The following DNMT3A variants were observed in gnomAD, a reference collection of about 807,000 sequenced individuals.
DNMT3A encodes DNA methyltransferase 3 alpha.
A neutral mutation model predicts 117.6 loss-of-function variants in DNMT3A; 267 were observed. The ratio of observed to expected loss-of-function variants is 2.27; its 90% CI spans 2.05 to 2.51. DNMT3A has a LOEUF of 2.51. DNMT3A is among the 30% of genes most tolerant of loss of function. The pLI is 0.00. For synonymous variants in DNMT3A, 432 were observed against 474.8 expected (o/e 0.91, Z 1.17); for missense variants, 1,029 against 1,260.2 (o/e 0.82, Z 2.78).
chr2:25,234,286 C>T lies in DNMT3A; in HGVS notation c.2732G>A (p.Cys911Tyr), dbSNP rs906113912. 3 of 1,613,108 alleles carry T rather than the reference C, an allele frequency of 1.9e-6. No individual in the cohort carries two copies. Among genetic ancestry groups the T allele is most frequent in the Non-Finnish European group, 2.5e-6 (3 of 1,179,430 alleles). Residue 911 changes from cysteine to tyrosine, a missense_variant, in exon 23 of 23, where the codon TGT becomes TAT. Physicochemically the swap from Cys to Tyr is radical, Grantham distance 194 (BLOSUM62 -2). Transcript: ENST00000321117. This position sits in a 1 kb window ranked among gnomAD's most constrained non-coding sequence, Gnocchi z 4.5. Reference sequence around the variant, plus strand: ...AGTTTGCCCCCATGTCCCTTACACACACGCAAAATACTCCTTCAGCGGAGC... The same window carrying T: ...AGTTTGCCCCCATGTCCCTTACACATACGCAAAATACTCCTTCAGCGGAGC... ...LFAPLKEYFACV is the reference protein window; with the variant it reads ...LFAPLKEYFAYV
chr2:25,240,533 A>G, intron 18 of DNMT3A, 83 bp from the exon 19 acceptor site: 1 of 1,584,148 alleles, frequency 6.3e-7, no homozygotes, highest in Non-Finnish European at 8.6e-7. Flanking sequence ...AGGGCACGGG[A>G]AGACAGGGTC....
At chr2:25,308,997 A>ACACACG (rs1553430162) in intron 2 of DNMT3A, among the ~76,000 whole-genome samples, 4 of 151,850 alleles carry the variant, frequency 2.6e-5, no homozygotes, top group African/African-American at 7.3e-5. Context: ...ACACACACAC[A>ACACACG]CACGCACGCA....
chr2:25,266,703 G>T (rs1222305405), intron 6 of DNMT3A, among the ~76,000 whole-genome samples: 1 of 152,212 alleles, frequency 6.6e-6, no homozygotes, highest in Non-Finnish European at 1.5e-5. Context: ...CATAGGAAAA[G>T]ATGTTCAACC....
At chr2:25,245,985 C>T (rs975649664) in intron 12 of DNMT3A, 35 bp downstream of exon 12, 1 of 1,613,684 alleles carries the variant, frequency 6.2e-7, no homozygotes, top group Non-Finnish European at 8.5e-7. Flanking sequence ...CCATGCCACA[C>T]TAGGAGTGCC....
At position 25,300,633 on chromosome 2, in the gene DNMT3A, A is replaced by T. The variant is rs1181610257; in HGVS notation, c.73-390T>A. On this transcript the variant is annotated intron_variant, in intron 2 of 22. Transcript: ENST00000321117. ...AATAATATATTATTTAGATATCTAA[A>T]TAATATATTATTTAGATATCTAAAT... is the stretch of plus-strand genomic sequence containing the variant. Among the ~76,000 whole-genome samples the T allele has an allele frequency of 3.6e-4, 32 of 89,274 alleles. 1 individual carries two copies. The South Asian group carries it at 9.8e-3, about 27-fold the overall frequency. 58.6% of individuals were successfully genotyped at this position (89,274 alleles called of 152,430 possible).
chr2:25,330,540 G>A (rs768975170), intron 1 of DNMT3A, among the ~76,000 whole-genome samples: 3 of 152,204 alleles, frequency 2.0e-5, no homozygotes, highest in Admixed American at 6.5e-5. Context: ...CATCATGTAC[G>A]GCCCTCACAG....
rs552541645 is a variant in DNMT3A at position 25,289,380 on chromosome 2, G to A, written c.178-6669C>T. 5.3e-4 allele frequency among the ~76,000 whole-genome samples: 80 copies of A among 152,318 alleles called. 1 individual carries two copies. The highest frequency in any genetic ancestry group is 1.7e-3 in the African/African-American group (70 of 41,572). ...CTCCCAAAGTGCTGGGATTACAGGC[G>A]TGAGCCACCGCACCCGGCCAATCTT... On this transcript the variant is annotated intron_variant, in intron 3 of 22. Transcript: ENST00000321117.
intron 2 of DNMT3A, among the ~76,000 whole-genome samples, chr2:25,300,577 A>G (rs1337410352): frequency 2.1e-5 from 3 of 142,588 alleles, no homozygotes; most frequent in Middle Eastern, 3.4e-3. Context: ...CTCCATCTCT[A>G]TAAAAATACC....
At position 25,234,477 on chromosome 2, in the gene DNMT3A, GAAGCC is replaced by G. The variant is rs1673129919; in HGVS notation, c.2598-62_2598-58del. 9.6e-6 allele frequency: 15 copies of G among 1,562,242 alleles called. No individual in the cohort carries two copies. In the Admixed American group the frequency reaches 1.4e-4, roughly 15 times the overall value. On this transcript the variant is annotated intron_variant, in intron 22 of 22. Coordinates refer to ENST00000321117, the MANE Select transcript of DNMT3A (RefSeq NM_022552.5). The surrounding 1 kb of genome is among the most constrained non-coding windows in gnomAD (Gnocchi z 4.5). ...AGTGCTGGCCAGACCAGGCTGCCCGGAAGCCGTCTAACCACACAGCAGGACCCGGA... is the reference window on the plus strand; with the variant it reads ...AGTGCTGGCCAGACCAGGCTGCCCGGGTCTAACCACACAGCAGGACCCGGA...
chr2:25,240,424 A>T lies in DNMT3A; in HGVS notation c.2200T>A (p.Phe734Ile). The T allele has an allele frequency of 1.2e-6, 2 of 1,612,214 alleles. No homozygotes were observed. The highest frequency in any genetic ancestry group is 8.5e-7 in the Non-Finnish European group (1 of 1,179,134). The change falls in exon 19 of 23, where the codon TTC becomes ATC. Residue 734 changes from phenylalanine (F) to isoleucine (I), a missense_variant. Physicochemically the swap from Phe to Ile is conservative, Grantham distance 21. Coordinates refer to ENST00000321117, the MANE Select transcript of DNMT3A (RefSeq NM_022552.5). ...CGCGCATCATGCAGGAGGCGGTAGA[A>T]CTCAAAGAAGAGCCGGCCAGTGCCC... ...YEGTGRLFFE[F>I]YRLLHDARPK...
In DNMT3A at chr2:25,296,502, G is replaced by A. The variant is rs1269914339; in HGVS notation, c.177+3637C>T. ...CTTGTCCCCTAAAAAATGGAGTCCC[G>A]GGGGGTTCCTGAAGAAGGACGTGCC... On this transcript the variant is annotated intron_variant, in intron 3 of 22. Transcript: ENST00000321117. This position sits in a 1 kb window ranked among gnomAD's most constrained non-coding sequence, Gnocchi z 4.2. Among the ~76,000 whole-genome samples the A allele has an allele frequency of 5.9e-5, 9 of 152,178 alleles. No individual in the cohort carries two copies. The South Asian group carries it at 1.5e-3, about 25-fold the overall frequency.
At position 25,236,191 on chromosome 2, in the gene DNMT3A, G is replaced by C. The variant is rs1254457787; in HGVS notation, c.2479-366C>G. Among the ~76,000 whole-genome samples the C allele has an allele frequency of 3.3e-5, 5 of 151,822 alleles. No homozygotes were observed. Among genetic ancestry groups the C allele is most frequent in the Admixed American group, 2.6e-4 (4 of 15,246 alleles). ...AGCGATTCTAATGCCTCAGACTCCT[G>C]AGTAGCTGGGACTACAGGCGCCCGC... is the stretch of plus-strand genomic sequence containing the variant. On this transcript the variant is annotated intron_variant, in intron 21 of 22. Transcript: ENST00000321117. This position sits in a 1 kb window ranked among gnomAD's most constrained non-coding sequence, Gnocchi z 4.5.
chr2:25,240,695 C>T lies in DNMT3A; in HGVS notation c.2118G>A (p.Gly706=), dbSNP rs1673915478. ...QEWGPFDLVI[G]GSPCNDLSIV... is the part of the protein sequence containing the mutation. ...TGGAGAGGTCATTGCAGGGACTGCC[C>T]CCAATCACCAGATCGAATGGGCCCC... The change falls in exon 18 of 23, where the codon GGG becomes GGA. Residue 706 remains glycine, a synonymous_variant. Transcript: ENST00000321117. 6.2e-7 allele frequency: 1 copy of T among 1,614,156 alleles called. No homozygotes were observed. The highest frequency in any genetic ancestry group is 1.3e-5 in the African/African-American group (1 of 75,040).
chr2:25,240,533 A>C, intron 18 of DNMT3A, 83 bp from the exon 19 acceptor site: 1 of 1,584,148 alleles, frequency 6.3e-7, no homozygotes, highest in Non-Finnish European at 8.6e-7. Flanking sequence ...AGGGCACGGG[A>C]AGACAGGGTC....
At chr2:25,251,029 G>T (rs1164653467) in intron 6 of DNMT3A, among the ~76,000 whole-genome samples, 38 of 152,162 alleles carry the variant, frequency 2.5e-4, no homozygotes, top group Non-Finnish European at 1.0e-4. Flanking sequence ...CAGATGCCGC[G>T]CTGCGAGCTG....
intron 12 of DNMT3A, 126 bp downstream of exon 12, chr2:25,245,894 G>A (rs539356272): frequency 2.4e-5 from 29 of 1,198,218 alleles, no homozygotes; most frequent in African/African-American, 3.0e-5. Flanking sequence ...CACGAAGCAC[G>A]GTGAAGGTGG....
chr2:25,272,977 A>ATTTTTTTTTTTTTTTTTTTT lies in DNMT3A; in HGVS notation c.639+1963_639+1964insAAAAAAAAAAAAAAAAAAAA, dbSNP rs70947875. On this transcript the variant is annotated intron_variant, in intron 6 of 22. Transcript: ENST00000321117. ...CCACCACACCTGGCTAATTGTTTGT[A>ATTTTTTTTTTTTTTTTTTTT]TTTTTTTTTTTTTTGAGACAGAGTT... 7.5e-5 allele frequency among the ~76,000 whole-genome samples: 8 copies of ATTTTTTTTTTTTTTTTTTTT among 106,472 alleles called. 1 individual carries two copies. Among genetic ancestry groups the ATTTTTTTTTTTTTTTTTTTT allele is most frequent in the African/African-American group, 8.6e-5 (2 of 23,356 alleles). 69.8% of individuals were successfully genotyped at this position (106,472 alleles called of 152,430 possible).
At chr2:25,275,320 G>A (rs1432325736) in intron 5 of DNMT3A, among the ~76,000 whole-genome samples, 180 bp downstream of exon 5, 1 of 152,208 alleles carries the variant, frequency 6.6e-6, no homozygotes, top group Admixed American at 6.5e-5. Flanking sequence ...CTCTGGAGGG[G>A]GATGAGCCGG....
intron 6 of DNMT3A, among the ~76,000 whole-genome samples, chr2:25,261,438 C>CA (rs1299589500): frequency 0.22 from 6,707 of 30,010 alleles, 1,503 homozygotes; most frequent in Non-Finnish European, 0.33. Context: ...GACTCTGTCT[C>CA]AAAAAAAAAA....
Sources: gnomAD v4.1 joint callset for allele counts (sites outside exome capture counted in the v4.1 genomes callset) on GRCh38, gnomAD v4.1.1 for gene constraint, Gnocchi (gnomAD v3.1) non-coding constraint, MANE v1.5 for transcripts, NCBI Gene and HGNC (gene_info 2026-07-23, HGNC 2026-07-21) for gene names.